SEC24D: variants seen among roughly 807,000 people sequenced by gnomAD.
SEC24D encodes the protein protein transport protein Sec24D.
In SEC24D, 69 loss-of-function variants were observed where a neutral mutation model predicts 116.9. The ratio of observed to expected loss-of-function variants is 0.59; its 90% CI spans 0.49 to 0.72. The LOEUF (loss-of-function observed/expected upper bound fraction) is 0.72. Ranked by LOEUF, SEC24D falls within the 30% of genes least tolerant of loss-of-function variation. The pLI is 0.00. For synonymous variants in SEC24D, 405 were observed against 442.8 expected (o/e 0.91, Z 1.07); for missense variants, 1,131 against 1,264.1 (o/e 0.89, Z 1.60).
chr4:118,770,440 T>C (rs1727845897), intron 8 of SEC24D, among the ~76,000 whole-genome samples: 1 of 152,176 alleles, frequency 6.6e-6, no homozygotes. Context: ...GGATTAAAAG[T>C]ACAATTACCA....
At chr4:118,800,299 T>C (rs1282464512) in intron 7 of SEC24D, among the ~76,000 whole-genome samples, 1 of 152,108 alleles carries the variant, frequency 6.6e-6, no homozygotes, top group Non-Finnish European at 1.5e-5. Flanking sequence ...TGTTGGGAAG[T>C]TTATGGTCCT....
intron 8 of SEC24D, among the ~76,000 whole-genome samples, chr4:118,783,577 G>T (rs1347084193): frequency 6.6e-6 from 1 of 152,128 alleles, no homozygotes; most frequent in African/African-American, 2.4e-5. Flanking sequence ...TTGAAATAAG[G>T]TGACATAAAG....
rs751629758 is a variant in SEC24D at position 118,728,527 on chromosome 4, T to A, written c.2958+34A>T. The A allele has an allele frequency of 5.1e-5, 70 of 1,368,908 alleles. No homozygotes were observed. In the South Asian group the frequency reaches 8.4e-4, roughly 16 times the overall value. 84.8% of individuals were successfully genotyped at this position (1,368,908 alleles called of 1,614,324 possible). ...AAGTCTTTAATGAAATTTTTAACATTTGAATAAAGGGAAAAATAAAATTGC... is the reference window on the plus strand; with the variant it reads ...AAGTCTTTAATGAAATTTTTAACATATGAATAAAGGGAAAAATAAAATTGC... On this transcript the variant is annotated intron_variant, in intron 22 of 22. Coordinates refer to ENST00000280551, the MANE Select transcript of SEC24D (RefSeq NM_014822.4).
chr4:118,825,884 T>A (rs534621722), intron 2 of SEC24D, among the ~76,000 whole-genome samples: 1 of 152,140 alleles, frequency 6.6e-6, no homozygotes, highest in Admixed American at 6.6e-5. Flanking sequence ...GTTATATTCC[T>A]CCAGAAAGTT....
At position 118,791,980 on chromosome 4, in the gene SEC24D, C is replaced by T. The variant is rs554658271; in HGVS notation, c.1041+5703G>A. Among the ~76,000 whole-genome samples the T allele has an allele frequency of 4.8e-3, 736 of 151,958 alleles. 5 individuals are homozygous for T. Among genetic ancestry groups the T allele is most frequent in the African/African-American group, 0.017 (683 of 41,390 alleles). On this transcript the variant is annotated intron_variant, in intron 8 of 22. Transcript: ENST00000280551. ...GAAGTGAGGAGCGTCTCTGCCTGGC[C>T]GCCCATTGTCTGGGAAGTGAGAAGC...
intron 20 of SEC24D, among the ~76,000 whole-genome samples, chr4:118,732,273 A>G (rs1725731729): frequency 2.0e-5 from 3 of 152,062 alleles, no homozygotes; most frequent in Admixed American, 2.0e-4. Flanking sequence ...AGTAGCTGGG[A>G]TTACAGGCAC....
At position 118,802,412 on chromosome 4, in the gene SEC24D, T is replaced by C. The variant is rs1325517205; in HGVS notation, c.913+3431A>G. Among the ~76,000 whole-genome samples the C allele has an allele frequency of 5.9e-5, 9 of 152,192 alleles. No homozygotes were observed. The South Asian group carries it at 1.0e-3, about 18-fold the overall frequency. On this transcript the variant is annotated intron_variant, in intron 7 of 22. Transcript: ENST00000280551. ...AAGTGAGAGAGCTGAGCAAATAAAG[T>C]CCAAGGTTCCTTCCAGCTCTATATT...
chr4:118,745,092 GA>G, intron 13 of SEC24D, 32 bp from the exon 14 acceptor site: 1 of 1,235,506 alleles, frequency 8.1e-7, no homozygotes, highest in Non-Finnish European at 1.2e-6. Flanking sequence ...AAAACCCACA[GA>G]AAATGCCGTG....
In SEC24D at chr4:118,740,579, C is replaced by T. The variant is rs1046666319; in HGVS notation, c.2238+84G>A. On this transcript the variant is annotated intron_variant, in intron 17 of 22. Transcript: ENST00000280551. ...GAATTTTTTTATGAAGAGACTAACA[C>T]ATTTGATGGTATTTCAGTCTCCCCA... 8.6e-5 allele frequency: 123 copies of T among 1,434,652 alleles called. 2 individuals are homozygous for T. In the Admixed American group the frequency reaches 1.9e-3, roughly 23 times the overall value. 88.9% of individuals were successfully genotyped at this position (1,434,652 alleles called of 1,614,324 possible). A position where few individuals can be genotyped will look rare whatever the true frequency, so the allele number is the denominator to read the frequency against.
chr4:118,748,096 T>G (rs1375755786), intron 13 of SEC24D, among the ~76,000 whole-genome samples: 1 of 152,078 alleles, frequency 6.6e-6, no homozygotes, highest in Non-Finnish European at 1.5e-5. Flanking sequence ...AAACCCCATC[T>G]CTACTAAAAA....
intron 8 of SEC24D, among the ~76,000 whole-genome samples, chr4:118,777,932 T>C (rs1357969361): frequency 6.6e-6 from 1 of 152,244 alleles, no homozygotes; most frequent in Non-Finnish European, 1.5e-5. Context: ...TCTGTTCATA[T>C]CCTTTGCCAC....
chr4:118,817,140 G>T, intron 4 of SEC24D, 124 bp downstream of exon 4: 2 of 754,852 alleles, frequency 2.6e-6, no homozygotes, highest in Non-Finnish European at 4.3e-6. Context: ...TATTAAAAAT[G>T]TCCAAATACT....
At chr4:118,752,118 G>T in intron 12 of SEC24D, 29 bp from the exon 13 acceptor site, 3 of 1,358,248 alleles carry the variant, frequency 2.2e-6, no homozygotes, top group South Asian at 2.4e-5. Context: ...CAAAAGGTTT[G>T]AAATGTTTAG....
chr4:118,728,716 GATT>G, intron 21 of SEC24D, 66 bp from the exon 22 acceptor site: 1 of 968,444 alleles, frequency 1.0e-6, no homozygotes, highest in Non-Finnish European at 1.6e-6. Flanking sequence ...AGCAATATGA[GATT>G]ATCATAATGT....
rs1305877879 is a variant in SEC24D, at chr4:118,764,871, C to T, written c.1227G>A (p.Leu409=). Residue 409 remains leucine (L), a synonymous_variant, in exon 10 of 23, where the codon CTG becomes CTA. Coordinates refer to ENST00000280551, the MANE Select transcript of SEC24D (RefSeq NM_014822.4). ...FQHLDHIGRR[L]DHYEKPELSL... ...ATAACTCTGGTTTCTCATAGTGGTC[C>T]AGTCTTCTTCCAATGTGGTCCAGAT... The T allele has an allele frequency of 6.2e-7, 1 of 1,610,958 alleles. No individual in the cohort carries two copies. Among genetic ancestry groups the T allele is most frequent in the African/African-American group, 1.3e-5 (1 of 74,958 alleles).
intron 8 of SEC24D, among the ~76,000 whole-genome samples, chr4:118,791,638 C>G (rs1478752377): frequency 6.6e-6 from 1 of 152,158 alleles, no homozygotes; most frequent in Non-Finnish European, 1.5e-5. Context: ...GATTCTCCTG[C>G]CTCAGCCTGC....
At chr4:118,830,668 T>C (rs1042218404) in intron 2 of SEC24D, among the ~76,000 whole-genome samples, 1 of 151,902 alleles carries the variant, frequency 6.6e-6, no homozygotes, top group African/African-American at 2.4e-5. Context: ...AAAACAGCCA[T>C]GAGTGCCTTC....
intron 6 of SEC24D, among the ~76,000 whole-genome samples, chr4:118,811,240 G>A (rs982093529): frequency 6.6e-6 from 1 of 152,220 alleles, no homozygotes; most frequent in Non-Finnish European, 1.5e-5. Context: ...CAGGTTTGGG[G>A]AGAGGCCAAG....
rs567101710 is a variant in SEC24D, at chr4:118,780,757, CTGGGTGCTCCTGCA to C, written c.1042-12460_1042-12447del. On this transcript the variant is annotated intron_variant, in intron 8 of 22. Coordinates refer to ENST00000280551, the MANE Select transcript of SEC24D (RefSeq NM_014822.4). ...GTGTCTAAGGACTTGCTTTATCAAT[CTGGGTGCTCCTGCA>C]TTGGATGCATATATATTTAGGATAG... Among the ~76,000 whole-genome samples the C allele has an allele frequency of 9.6e-3, 1,464 of 152,204 alleles. 25 individuals are homozygous for C. Among genetic ancestry groups the C allele is most frequent in the African/African-American group, 0.033 (1,358 of 41,522 alleles).
Sources: allele counts gnomAD v4.1 joint callset (sites outside exome capture counted in the v4.1 genomes callset), GRCh38; gene constraint gnomAD v4.1.1; transcripts MANE v1.5; gene names NCBI Gene and HGNC (gene_info 2026-07-23, HGNC 2026-07-21).